Variants in DENND1B observed in about 807,000 individuals in gnomAD.
The protein encoded by DENND1B is DENN domain-containing protein 1B.
Under a neutral mutation model 90.1 loss-of-function variants are expected in DENND1B, and 59 were observed. The observed-to-expected ratio is 0.65, with a 90% confidence interval of 0.53 to 0.81. DENND1B has a LOEUF of 0.81. Among genes scored for constraint, DENND1B ranks in the 40% least tolerant of loss-of-function variants. The pLI, the probability that DENND1B is intolerant of heterozygous loss-of-function variation, is 0.00. For missense variants in DENND1B, 862 were observed against 912.6 expected, an observed-to-expected ratio of 0.94 and a Z score of 0.71; for synonymous variants, 337 against 324.6, an observed-to-expected ratio of 1.04 and a Z score of -0.41.
At chr1:197,681,686 T>C (rs1393059277) in intron 3 of DENND1B, among the ~76,000 whole-genome samples, 1 of 152,108 alleles carries the variant, frequency 6.6e-6, no homozygotes, top group African/African-American at 2.4e-5. Flanking sequence ...AGAATTTTGG[T>C]TTCTATTTTA....
chr1:197,678,878 C>A (rs904859998), intron 3 of DENND1B, among the ~76,000 whole-genome samples: 1 of 151,988 alleles, frequency 6.6e-6, no homozygotes, highest in African/African-American at 2.4e-5. Context: ...AAACTTAGGG[C>A]CAAAAAGGAA....
At chr1:197,777,699 C>T (rs142907058), upstream of DENND1B, among the ~76,000 whole-genome samples, 710 of 152,144 alleles carry the variant, frequency 4.7e-3, no homozygotes, top group Admixed American at 0.01. Context: ...ATTTCCTACT[C>T]GACAATTAAT....
intron 14 of DENND1B, among the ~76,000 whole-genome samples, chr1:197,586,687 C>CAG (rs1674727907): frequency 6.6e-6 from 1 of 152,158 alleles, no homozygotes; most frequent in African/African-American, 2.4e-5. Flanking sequence ...GAGCCTGAGA[C>CAG]AGGGGTTCTT....
chr1:197,563,919 T>C, intron 15 of DENND1B, among the ~76,000 whole-genome samples: 1 of 151,926 alleles, frequency 6.6e-6, no homozygotes, highest in East Asian at 1.9e-4. Flanking sequence ...GTCCAAGACT[T>C]CTTCGAGGAA....
intron 15 of DENND1B, among the ~76,000 whole-genome samples, chr1:197,573,532 G>C (rs929153137): frequency 1.3e-5 from 2 of 152,090 alleles, no homozygotes; most frequent in Non-Finnish European, 2.9e-5. Flanking sequence ...CACAAAGAGA[G>C]CTGGCACCAT....
At chr1:197,599,752 T>G (rs954950367) in intron 13 of DENND1B, among the ~76,000 whole-genome samples, 1 of 151,876 alleles carries the variant, frequency 6.6e-6, no homozygotes, top group Non-Finnish European at 1.5e-5. Flanking sequence ...ACCTTTAACA[T>G]TTATTAAATG....
At chr1:197,683,529 A>T (rs141371376) in intron 3 of DENND1B, among the ~76,000 whole-genome samples, 2 of 152,282 alleles carry the variant, frequency 1.3e-5, no homozygotes, top group East Asian at 3.9e-4. Flanking sequence ...AGGAGTAAAA[A>T]CGGAGACATA....
At chr1:197,660,662 T>C (rs1245515318) in intron 5 of DENND1B, among the ~76,000 whole-genome samples, 1 of 152,002 alleles carries the variant, frequency 6.6e-6, no homozygotes, top group Non-Finnish European at 1.5e-5. Context: ...AGGGATCAAG[T>C]TCAAAAATGT....
At chr1:197,511,665 G>C in intron 22 of DENND1B, 63 bp downstream of exon 22, 1 of 1,348,348 alleles carries the variant, frequency 7.4e-7, no homozygotes, top group Non-Finnish European at 1.0e-6. Flanking sequence ...ATAAGATCCA[G>C]TAATCACAGC....
At chr1:197,552,403 A>G (rs1308159062) in intron 16 of DENND1B, 16 of 985,346 alleles carry the variant, frequency 1.6e-5, no homozygotes, top group Non-Finnish European at 1.8e-5. Flanking sequence ...CACCACTACA[A>G]TCGTGCAAAA....
upstream of DENND1B, among the ~76,000 whole-genome samples, chr1:197,780,613 T>C (rs1029898151): frequency 1.3e-5 from 2 of 152,082 alleles, no homozygotes; most frequent in Non-Finnish European, 2.9e-5. Flanking sequence ...GAGAGGTGGC[T>C]CTTGTAGCTA....
At chr1:197,645,185 A>G (rs1007896505) in intron 9 of DENND1B, among the ~76,000 whole-genome samples, 4 of 152,054 alleles carry the variant, frequency 2.6e-5, no homozygotes, top group Non-Finnish European at 5.9e-5. Flanking sequence ...ACCTTGCAAG[A>G]TATGTATTGC....
At chr1:197,735,554 C>T (rs369564745) in intron 2 of DENND1B, 225 of 1,613,718 alleles carry the variant, frequency 1.4e-4, no homozygotes, top group Middle Eastern at 8.2e-4. Context: ...ACAAAGTGTT[C>T]TTAGACTTTT....
Position 197,551,113 on chromosome 1 carries a change from C to CACACA in DENND1B, c.1240+1908_1240+1909insTGTGT, listed in dbSNP as rs368753746. ...CACACACACACACACACACACACACCCCCTAGATAGATGGATATCTTCTAA... is the reference window on the plus strand; with the variant it reads ...CACACACACACACACACACACACACCACACACCCTAGATAGATGGATATCTTCTAA... On this transcript the variant is annotated intron_variant, in intron 16 of 22. Transcript: ENST00000620048. Among the ~76,000 whole-genome samples, 218 of 49,328 alleles carry CACACA rather than the reference C, an allele frequency of 4.4e-3. 1 individual carries two copies. The highest frequency in any genetic ancestry group is 0.013 in the Admixed American group (67 of 5,160). 32.4% of individuals were successfully genotyped at this position (49,328 alleles called of 152,430 possible).
intron 3 of DENND1B, chr1:197,689,664 C>A: frequency 5.9e-6 from 1 of 168,410 alleles, no homozygotes; most frequent in Admixed American, 5.6e-5. Context: ...TTAAGGAAAT[C>A]AGCACCCATA....
At chr1:197,595,696 G>A (rs1242689672) in intron 13 of DENND1B, among the ~76,000 whole-genome samples, 1 of 151,932 alleles carries the variant, frequency 6.6e-6, no homozygotes, top group Non-Finnish European at 1.5e-5. Flanking sequence ...GGTTTTGTTC[G>A]TTTTTGCTAT....
At chr1:197,564,884 T>C (rs1025872925) in intron 15 of DENND1B, among the ~76,000 whole-genome samples, 1 of 152,022 alleles carries the variant, frequency 6.6e-6, no homozygotes, top group African/African-American at 2.4e-5. Context: ...ATTTAGGATA[T>C]TGAAATCAGT....
intron 2 of DENND1B, among the ~76,000 whole-genome samples, chr1:197,739,212 G>T (rs1747818): frequency 0.76 from 115,434 of 152,120 alleles, 43,927 homozygotes; most frequent in East Asian, 0.86. Flanking sequence ...TACTCAGAGG[G>T]TAACACCTTA....
intron 15 of DENND1B, among the ~76,000 whole-genome samples, chr1:197,562,588 G>A (rs1672264702): frequency 6.6e-6 from 1 of 151,886 alleles, no homozygotes; most frequent in Admixed American, 6.6e-5. Flanking sequence ...AAGCTTAATT[G>A]ATAAATGTTG....
Sources: allele counts gnomAD v4.1 joint callset (sites outside exome capture counted in the v4.1 genomes callset), GRCh38; gene constraint gnomAD v4.1.1; transcripts MANE v1.5; gene names NCBI Gene and HGNC (gene_info 2026-07-23, HGNC 2026-07-21).